NECAB1: variants seen among roughly 807,000 people sequenced by gnomAD.
NECAB1 encodes the protein N-terminal EF-hand calcium binding protein 1, also known as N-terminal EF-hand calcium-binding protein 1.
A neutral mutation model predicts 57.5 loss-of-function variants in NECAB1; 29 were observed. That is an observed-to-expected ratio of 0.50 (90% confidence interval 0.38 to 0.69). The LOEUF (loss-of-function observed/expected upper bound fraction) is 0.69. Ranked by LOEUF, NECAB1 falls within the 30% of genes least tolerant of loss-of-function variation. The probability of loss-of-function intolerance (pLI) is 0.00; values close to 1 mark genes in which losing one functional copy is unlikely to be tolerated. For missense variants in NECAB1, 372 were observed against 413.8 expected (o/e 0.90, Z 0.88); for synonymous variants, 142 against 147.7 (o/e 0.96, Z 0.28).
chr8:90,922,145 A>G (rs1427341254), intron 6 of NECAB1, among the ~76,000 whole-genome samples: 1 of 152,184 alleles, frequency 6.6e-6, no homozygotes, highest in South Asian at 2.1e-4. Flanking sequence ...GTTTCCCCCT[A>G]GGGGTCCCCT....
At chr8:90,792,310 G>A (rs117653683) in intron 1 of NECAB1, among the ~76,000 whole-genome samples, 1 of 152,124 alleles carries the variant, frequency 6.6e-6, no homozygotes, top group East Asian at 1.9e-4. Flanking sequence ...AGGTGTGGGG[G>A]GTGAGGTGGG....
chr8:90,834,758 A>G (rs1420771695), intron 3 of NECAB1, among the ~76,000 whole-genome samples: 3 of 152,330 alleles, frequency 2.0e-5, no homozygotes, highest in East Asian at 1.9e-4. Context: ...AAACCTCACA[A>G]TCTTGAGATA....
chr8:90,871,351 A>C (rs1157090679), intron 3 of NECAB1, among the ~76,000 whole-genome samples: 1 of 152,132 alleles, frequency 6.6e-6, no homozygotes, highest in Non-Finnish European at 1.5e-5. Flanking sequence ...TGGTGTAATA[A>C]GTTATAATGA....
intron 3 of NECAB1, among the ~76,000 whole-genome samples, chr8:90,835,321 T>C (rs1331997588): frequency 6.6e-6 from 1 of 152,086 alleles, no homozygotes; most frequent in African/African-American, 2.4e-5. Flanking sequence ...CATAGTAAAG[T>C]TTTCCAGGCA....
rs113855441 is a variant in NECAB1, at chr8:90,890,238, T to C, written c.357+9108T>C. Among the ~76,000 whole-genome samples, 1,519 of 152,228 alleles carry C rather than the reference T, an allele frequency of 1.0e-2. 24 individuals carry two copies. The highest frequency in any genetic ancestry group is 0.034 in the African/African-American group (1,428 of 41,538). On this transcript the variant is annotated intron_variant, in intron 5 of 12. Coordinates refer to ENST00000417640, the MANE Select transcript of NECAB1 (RefSeq NM_022351.5). ...TAATGGGATCATAGGGACTGTTTCC[T>C]CCATGCTGTTCTCGTGATAGTGAAT...
chr8:90,809,273 A>G (rs1354799208), intron 2 of NECAB1, among the ~76,000 whole-genome samples: 1 of 151,996 alleles, frequency 6.6e-6, no homozygotes, highest in Non-Finnish European at 1.5e-5. Context: ...GGCTTCCACA[A>G]CTCTTCTCTT....
chr8:90,797,484 G>A (rs961667338), intron 1 of NECAB1, among the ~76,000 whole-genome samples: 1 of 152,134 alleles, frequency 6.6e-6, no homozygotes, highest in African/African-American at 2.4e-5. Flanking sequence ...AAAAATGATT[G>A]CTCATGTTTC....
chr8:90,822,696 G>T (rs1812161955), intron 2 of NECAB1, among the ~76,000 whole-genome samples: 1 of 151,780 alleles, frequency 6.6e-6, no homozygotes, highest in African/African-American at 2.4e-5. Flanking sequence ...TCCACAGGGT[G>T]CACAGGCAAC....
intron 12 of NECAB1, among the ~76,000 whole-genome samples, chr8:90,951,765 G>A (rs200916171): frequency 6.7e-6 from 1 of 149,298 alleles, no homozygotes; most frequent in African/African-American, 2.4e-5. Context: ...AATTTTAGCA[G>A]AAAAAAAAAA....
chr8:90,841,430 T>C (rs1267028870), intron 3 of NECAB1, among the ~76,000 whole-genome samples: 1 of 152,206 alleles, frequency 6.6e-6, no homozygotes, highest in Non-Finnish European at 1.5e-5. Flanking sequence ...TCCCTCACTA[T>C]GTCTTCAAGA....
chr8:90,881,512 G>T (rs1376722972), intron 5 of NECAB1, among the ~76,000 whole-genome samples: 1 of 152,170 alleles, frequency 6.6e-6, no homozygotes, highest in African/African-American at 2.4e-5. Flanking sequence ...CCCCAGTGCT[G>T]TTCTCCTGAT....
At chr8:90,897,717 T>C (rs1175046547) in intron 5 of NECAB1, among the ~76,000 whole-genome samples, 3 of 152,178 alleles carry the variant, frequency 2.0e-5, no homozygotes, top group African/African-American at 7.2e-5. Flanking sequence ...CAAGTGAAAA[T>C]TGACCCCCAG....
chr8:90,877,231 G>T (rs936943327), intron 4 of NECAB1, among the ~76,000 whole-genome samples: 10 of 152,018 alleles, frequency 6.6e-5, no homozygotes, highest in African/African-American at 2.2e-4. Flanking sequence ...CAAAGCTTTG[G>T]CATGGCTCAT....
chr8:90,864,360 A>C, intron 3 of NECAB1, among the ~76,000 whole-genome samples: 1 of 51,674 alleles, frequency 1.9e-5, no homozygotes, highest in Non-Finnish European at 3.6e-5. Context: ...AGGGGGAGGG[A>C]GTGGGGGGAA....
chr8:90,847,650 G>C (rs1198909920), intron 3 of NECAB1, among the ~76,000 whole-genome samples: 1 of 152,210 alleles, frequency 6.6e-6, no homozygotes, highest in Non-Finnish European at 1.5e-5. Context: ...TACCTCTTCT[G>C]AAATCTAGGC....
chr8:90,915,712 C>T (rs1809934576), intron 5 of NECAB1, among the ~76,000 whole-genome samples: 1 of 152,120 alleles, frequency 6.6e-6, no homozygotes, highest in Non-Finnish European at 1.5e-5. Flanking sequence ...GCAAGGAAGC[C>T]AGTGGTGGAT....
At chr8:90,817,289 A>G (rs1478897239) in intron 2 of NECAB1, among the ~76,000 whole-genome samples, 29 of 151,696 alleles carry the variant, frequency 1.9e-4, no homozygotes, top group Admixed American at 1.9e-3. Flanking sequence ...TTCCCAATCT[A>G]TATAATATAT....
At chr8:90,927,204 C>CTCTTTTTTT (rs10630870) in intron 7 of NECAB1, among the ~76,000 whole-genome samples, 2,517 of 131,036 alleles carry the variant, frequency 0.019, 174 homozygotes, top group East Asian at 0.056. Context: ...TTTTCTCTCT[C>CTCTTTTTTT]TTTTTTTTTT....
In NECAB1 at chr8:90,881,058, G is replaced by A. The variant is rs759967966; in HGVS notation, c.285G>A (p.Glu95=). 6.2e-7 allele frequency: 1 copy of A among 1,605,166 alleles called. No homozygotes were observed. Residue 95 remains glutamate, a synonymous_variant, in exon 5 of 13, where the codon GAG becomes GAA. Transcript: ENST00000417640. ...LCEYFSQHLG[E]YENVLAALED... Reference sequence around the variant, plus strand: ...AATATTTTTCTCAGCACTTGGGCGAGTATGAGAATGTACTAGCAGCACTTG... The same window carrying A: ...AATATTTTTCTCAGCACTTGGGCGAATATGAGAATGTACTAGCAGCACTTG...
Sources: gnomAD v4.1 joint callset for allele counts (sites outside exome capture counted in the v4.1 genomes callset) on GRCh38, gnomAD v4.1.1 for gene constraint, MANE v1.5 for transcripts, NCBI Gene and HGNC (gene_info 2026-07-23, HGNC 2026-07-21) for gene names.